The following PDE10A variants were observed in gnomAD, a reference collection of about 807,000 sequenced individuals.
PDE10A encodes phosphodiesterase 10A.
A neutral mutation model predicts 97.7 loss-of-function variants in PDE10A; 39 were observed. That is an observed-to-expected ratio of 0.40 (90% confidence interval 0.31 to 0.52). The LOEUF is 0.52. PDE10A is among the 20% of genes least tolerant of loss of function. The pLI is 0.56. For synonymous variants in PDE10A, 371 were observed against 376.8 expected, an observed-to-expected ratio of 0.98 and a Z score of 0.18; for missense variants, 731 against 1,047.8, an observed-to-expected ratio of 0.70 and a Z score of 4.17.
chr6:165,498,832 A>G lies in PDE10A; in HGVS notation c.995-16489T>C, dbSNP rs540505160. Among the ~76,000 whole-genome samples, 7 of 152,284 alleles carry G rather than the reference A, an allele frequency of 4.6e-5. No individual in the cohort carries two copies. The East Asian group carries it at 1.4e-3, about 29-fold the overall frequency. ...GTTTTTGTTATTATTAGAGTACATG[A>G]TTGCTCTAATTACTACTAACTTCAT... On this transcript the variant is annotated intron_variant, in intron 2 of 21. Coordinates refer to ENST00000539869, the MANE Select transcript of PDE10A (RefSeq NM_001385079.1).
Position 165,432,993 on chromosome 6 carries a change from A to T in PDE10A, c.1472T>A (p.Phe491Tyr). 1 of 1,613,948 alleles carries T rather than the reference A, an allele frequency of 6.2e-7. No homozygotes were observed. Among genetic ancestry groups the T allele is most frequent in the African/African-American group, 1.3e-5 (1 of 75,036 alleles). ...ELYRHWGKEA[F>Y]CLSHQEVATA... is the part of the protein sequence containing the mutation. ...CCTTACCTCCTGGTGACTAAGACAG[A>T]AGGCTTCTTTGCCCCAGTGCCGATA... Residue 491 changes from phenylalanine (F) to tyrosine (Y), a missense_variant, in exon 7 of 22, where the codon TTC becomes TAC. Around this residue, in one of 8 missense-constraint regions of PDE10A, gnomAD observed 152 missense variants for 199.3 expected, o/e 0.76. Coordinates refer to ENST00000539869, the MANE Select transcript of PDE10A (RefSeq NM_001385079.1).
chr6:165,684,930 G>A (rs1562683438), intron 1 of PDE10A, among the ~76,000 whole-genome samples: 1 of 152,206 alleles, frequency 6.6e-6, no homozygotes, highest in Non-Finnish European at 1.5e-5. Flanking sequence ...ACAGTGAGAC[G>A]TCGACTTGAC....
chr6:165,851,883 G>T (rs1165720361), intron 1 of PDE10A, among the ~76,000 whole-genome samples: 1 of 152,024 alleles, frequency 6.6e-6, no homozygotes, highest in Non-Finnish European at 1.5e-5. Flanking sequence ...TTCAGGCCAA[G>T]AGTTCAAGAC....
At chr6:165,366,591 C>T in intron 18 of PDE10A, among the ~76,000 whole-genome samples, 1 of 152,164 alleles carries the variant, frequency 6.6e-6, no homozygotes, top group East Asian at 1.9e-4. Flanking sequence ...TCCTTATTTA[C>T]ACAGCTCTTC....
At chr6:165,808,072 C>A (rs1240492684) in intron 1 of PDE10A, among the ~76,000 whole-genome samples, 2 of 152,178 alleles carry the variant, frequency 1.3e-5, no homozygotes, top group Non-Finnish European at 2.9e-5. Flanking sequence ...TACGGCCTCA[C>A]GTGCTCTGCT....
intron 1 of PDE10A, among the ~76,000 whole-genome samples, chr6:165,905,662 A>G (rs1045288672): frequency 1.3e-5 from 2 of 149,636 alleles, no homozygotes; most frequent in African/African-American, 2.5e-5. Flanking sequence ...TAAGCATATA[A>G]TACTTTTTTA....
intron 1 of PDE10A, among the ~76,000 whole-genome samples, chr6:165,718,648 T>TC (rs1240392883): frequency 6.7e-6 from 1 of 150,276 alleles, no homozygotes; most frequent in African/African-American, 2.4e-5. Context: ...CCCCACCTTT[T>TC]CCCCCCGGAC....
chr6:165,776,268 A>G, intron 1 of PDE10A, among the ~76,000 whole-genome samples: 1 of 152,224 alleles, frequency 6.6e-6, no homozygotes, highest in Non-Finnish European at 1.5e-5. Flanking sequence ...TTTCTAAAGT[A>G]AAAAAGGGTT....
chr6:165,631,057 A>G (rs1788606094), intron 1 of PDE10A, among the ~76,000 whole-genome samples: 1 of 152,266 alleles, frequency 6.6e-6, no homozygotes, highest in Non-Finnish European at 1.5e-5. Context: ...GCAGTTGTGT[A>G]TATAGCCAGC....
chr6:165,914,280 G>A (rs1040305009), intron 1 of PDE10A, among the ~76,000 whole-genome samples: 6 of 152,146 alleles, frequency 3.9e-5, no homozygotes, highest in Admixed American at 2.0e-4. Flanking sequence ...GAAGACAGAC[G>A]GACATTTCCT....
intron 1 of PDE10A, among the ~76,000 whole-genome samples, chr6:165,869,914 C>A (rs1239018882): frequency 2.0e-5 from 3 of 151,978 alleles, no homozygotes; most frequent in African/African-American, 4.8e-5. Context: ...TAAAACTGGA[C>A]CCCTGCCTCT....
intron 1 of PDE10A, among the ~76,000 whole-genome samples, chr6:165,727,385 G>T (rs1385207394): frequency 6.6e-6 from 1 of 152,234 alleles, no homozygotes; most frequent in Non-Finnish European, 1.5e-5. Context: ...GCACGGTGTG[G>T]AAGCTGCTGG....
At chr6:165,425,770 C>CATATGTGTGTGTGTGTGTGTGT (rs112669910) in intron 10 of PDE10A, among the ~76,000 whole-genome samples, 47 of 144,120 alleles carry the variant, frequency 3.3e-4, no homozygotes, top group Middle Eastern at 3.5e-3. Context: ...AAGGCATGAT[C>CATATGTGTGTGTGTGTGTGTGT]GTGTGTGTGT....
chr6:165,384,243 T>C (rs1785109589), intron 17 of PDE10A, among the ~76,000 whole-genome samples: 2 of 151,368 alleles, frequency 1.3e-5, no homozygotes, highest in African/African-American at 2.4e-5. Context: ...AGATGTCAAG[T>C]AGGGATGGTG....
chr6:165,800,293 A>T (rs6456016), intron 1 of PDE10A, among the ~76,000 whole-genome samples: 148,595 of 152,228 alleles, frequency 0.98, 72,641 homozygotes, highest in Middle Eastern at 1. Flanking sequence ...GTTCTACTAA[A>T]GGGGCATTTT....
intron 1 of PDE10A, among the ~76,000 whole-genome samples, chr6:165,673,060 A>T (rs953130330): frequency 6.7e-6 from 1 of 148,346 alleles, no homozygotes; most frequent in Non-Finnish European, 1.5e-5. Context: ...TAGCAGTTCA[A>T]CCTAACTAAC....
intron 1 of PDE10A, among the ~76,000 whole-genome samples, chr6:165,964,399 A>G (rs1276073297): frequency 1.3e-5 from 2 of 152,152 alleles, no homozygotes; most frequent in African/African-American, 4.8e-5. Flanking sequence ...TTATCACTAT[A>G]ATTGTTTTTC....
At chr6:165,603,656 G>C (rs752811884) in intron 1 of PDE10A, among the ~76,000 whole-genome samples, 1 of 152,242 alleles carries the variant, frequency 6.6e-6, no homozygotes, top group Non-Finnish European at 1.5e-5. Flanking sequence ...AGGACTCTGG[G>C]GAGGGCCCAT....
intron 1 of PDE10A, among the ~76,000 whole-genome samples, chr6:165,607,681 C>T (rs575701051): frequency 8.5e-5 from 13 of 152,254 alleles, no homozygotes; most frequent in African/African-American, 2.6e-4. Context: ...GCAGCTGCAG[C>T]GTGAATAGAG....
Sources: allele counts gnomAD v4.1 joint callset (sites outside exome capture counted in the v4.1 genomes callset), GRCh38; gene constraint gnomAD v4.1.1; regional missense constraint gnomAD v4.1.1; transcripts MANE v1.5; gene names NCBI Gene and HGNC (gene_info 2026-07-23, HGNC 2026-07-21).